KANK1: variants seen among roughly 807,000 people sequenced by gnomAD.
KANK1 encodes KN motif and ankyrin repeat domain-containing protein 1.
Under a neutral mutation model 106.2 loss-of-function variants are expected in KANK1, and 109 were observed. The observed-to-expected ratio is 1.03, with a 90% CI of 0.88 to 1.20. KANK1 has a LOEUF of 1.20. Ranked by LOEUF, KANK1 falls within the 50% of genes most tolerant of loss-of-function variation. The pLI is 0.00. For missense variants in KANK1, 2,399 were observed against 1,710.7 expected (o/e 1.40, Z -7.10); for synonymous variants, 873 against 652.2 (o/e 1.34, Z -5.16).
At chr9:684,647 C>A in intron 2 of KANK1, 2 of 901,498 alleles carry the variant, frequency 2.2e-6, no homozygotes, top group Non-Finnish European at 2.7e-6. Context: ...CTAGCTGAGC[C>A]CATCAAAGGT....
intron 3 of KANK1, among the ~76,000 whole-genome samples, chr9:493,865 A>C (rs1327189766): frequency 6.7e-6 from 1 of 148,506 alleles, no homozygotes; most frequent in Admixed American, 6.8e-5. Context: ...ATGTAGCAAT[A>C]AATACTAATA....
intron 1 of KANK1, among the ~76,000 whole-genome samples, chr9:532,214 A>T (rs2060088465): frequency 6.7e-6 from 1 of 150,312 alleles, no homozygotes; most frequent in Non-Finnish European, 1.5e-5. Context: ...ACAGAGATTT[A>T]AAAGGAGTTT....
chr9:601,198 A>T (rs183186651), intron 1 of KANK1, among the ~76,000 whole-genome samples: 58 of 151,986 alleles, frequency 3.8e-4, no homozygotes, highest in Non-Finnish European at 7.3e-5. Flanking sequence ...GTTTCTCCTA[A>T]TGTTGTTATC....
intron 3 of KANK1, among the ~76,000 whole-genome samples, chr9:729,387 G>A (rs914101876): frequency 1.1e-4 from 17 of 152,212 alleles, no homozygotes; most frequent in African/African-American, 4.1e-4. Context: ...GGAAGGGTCT[G>A]AAGAGGCAGT....
intron 6 of KANK1, 68 bp from the exon 7 acceptor site, chr9:734,680 A>G (rs1833281204): frequency 1.0e-5 from 11 of 1,096,198 alleles, no homozygotes; most frequent in Middle Eastern, 2.0e-4. Flanking sequence ...AAAAAATTAG[A>G]TATTTGGGTT....
At chr9:728,418 G>A (rs1043097130) in intron 3 of KANK1, among the ~76,000 whole-genome samples, 33 of 152,230 alleles carry the variant, frequency 2.2e-4, no homozygotes, top group Middle Eastern at 6.8e-3. Context: ...GGCTGGTCTC[G>A]GACTCTTGAC....
chr9:656,203 C>G (rs1588626810), intron 1 of KANK1, among the ~76,000 whole-genome samples: 1 of 152,156 alleles, frequency 6.6e-6, no homozygotes, highest in East Asian at 1.9e-4. Flanking sequence ...GCAGGTCCCA[C>G]AGTCTGGCGC....
intron 1 of KANK1, among the ~76,000 whole-genome samples, chr9:672,908 TAGG>T (rs1279497721): frequency 6.6e-6 from 1 of 152,212 alleles, no homozygotes; most frequent in African/African-American, 2.4e-5. Flanking sequence ...CTTTCTTAGC[TAGG>T]AGAACTAAGC....
At chr9:690,558 C>T (rs1438727684) in intron 2 of KANK1, among the ~76,000 whole-genome samples, 1 of 151,546 alleles carries the variant, frequency 6.6e-6, no homozygotes, top group Non-Finnish European at 1.5e-5. Flanking sequence ...GAATTGTGCA[C>T]AGTGGGTGGT....
At chr9:536,847 C>T (rs894825892) in intron 1 of KANK1, among the ~76,000 whole-genome samples, 1 of 152,186 alleles carries the variant, frequency 6.6e-6, no homozygotes, top group Non-Finnish European at 1.5e-5. Context: ...AGACACAATA[C>T]AGTTAACTCT....
intron 2 of KANK1, among the ~76,000 whole-genome samples, chr9:701,667 G>A (rs1822707607): frequency 6.6e-6 from 1 of 152,034 alleles, no homozygotes; most frequent in Non-Finnish European, 1.5e-5. Context: ...CTTCGCGGGG[G>A]CAAAATCACC....
chr9:712,236 A>G lies in KANK1; in HGVS notation c.1470A>G (p.Gln490=), dbSNP rs1329276945. 1 of 1,614,034 alleles carries G rather than the reference A, an allele frequency of 6.2e-7. No individual in the cohort carries two copies. Among genetic ancestry groups the G allele is most frequent in the East Asian group, 2.2e-5 (1 of 44,892 alleles). Residue 490 remains glutamine, a synonymous_variant, in exon 3 of 12, where the codon CAA becomes CAG. Coordinates refer to ENST00000382297, the MANE Select transcript of KANK1 (RefSeq NM_015158.5). The part of the protein sequence containing the change: ...THDREMTKLK[Q]ELQAAGSRKK... ...ACCGGGAGATGACTAAACTGAAACA[A>G]GAGCTGCAGGCTGCTGGATCGAGGA... is the stretch of plus-strand genomic sequence containing the variant.
rs561784518 is a variant in KANK1, at chr9:629,984, A to G, written c.-83-46906A>G. 7.9e-5 allele frequency among the ~76,000 whole-genome samples: 12 copies of G among 152,362 alleles called. No individual in the cohort carries two copies. In the South Asian group the frequency reaches 1.9e-3, roughly 24 times the overall value. On this transcript the variant is annotated intron_variant, in intron 1 of 11. Transcript: ENST00000382297. ...AAGTGAAGGCCAGGCGCACTGGCTC[A>G]CGCCTGTAATCCCAGCACTTTGGGA... is the stretch of plus-strand genomic sequence containing the variant.
chr9:606,448 C>T (rs1441457269), intron 1 of KANK1, among the ~76,000 whole-genome samples: 1 of 147,262 alleles, frequency 6.8e-6, no homozygotes, highest in African/African-American at 2.7e-5. Context: ...CTCAGCTACT[C>T]AGGAGGTTGA....
intron 3 of KANK1, among the ~76,000 whole-genome samples, chr9:487,986 A>C (rs924386664): frequency 1.3e-5 from 2 of 152,168 alleles, no homozygotes; most frequent in African/African-American, 4.8e-5. Context: ...GGATATGTGA[A>C]AATTTGACAA....
At chr9:701,660 C>T (rs1037448962) in intron 2 of KANK1, among the ~76,000 whole-genome samples, 6 of 152,164 alleles carry the variant, frequency 3.9e-5, no homozygotes, top group Non-Finnish European at 5.9e-5. Context: ...AATGTCCCTT[C>T]GCGGGGGCAA....
intron 1 of KANK1, among the ~76,000 whole-genome samples, chr9:655,328 T>C (rs1021548955): frequency 2.7e-5 from 4 of 147,814 alleles, no homozygotes; most frequent in African/African-American, 1.0e-4. Flanking sequence ...TGGAGATCAC[T>C]CCATTGCACT....
intron 2 of KANK1, chr9:470,790 T>A (rs534320167): frequency 6.6e-6 from 1 of 152,504 alleles, no homozygotes; most frequent in East Asian, 1.9e-4. Context: ...TCCCTTTCCT[T>A]CCCACCACTC....
chr9:620,845 T>A (rs1832980686), intron 1 of KANK1, among the ~76,000 whole-genome samples: 1 of 152,144 alleles, frequency 6.6e-6, no homozygotes, highest in African/African-American at 2.4e-5. Context: ...GAATAAGAAA[T>A]AACATCTCTT....
Sources: allele counts gnomAD v4.1 joint callset (sites outside exome capture counted in the v4.1 genomes callset), GRCh38; gene constraint gnomAD v4.1.1; transcripts MANE v1.5; gene names NCBI Gene and HGNC (gene_info 2026-07-23, HGNC 2026-07-21).